Variants in MPDZ observed in about 807,000 individuals in gnomAD.
MPDZ encodes multiple PDZ domain protein.
In MPDZ, 234 loss-of-function variants were observed where a neutral mutation model predicts 239.1. The ratio of observed to expected loss-of-function variants is 0.98; its 90% confidence interval spans 0.88 to 1.09. The LOEUF (loss-of-function observed/expected upper bound fraction) is 1.09. Ranked by LOEUF, MPDZ falls within the 50% of genes least tolerant of loss-of-function variation. The pLI, the probability that MPDZ is intolerant of heterozygous loss-of-function variation, is 0.00. For missense variants in MPDZ, 3,175 were observed against 2,510.0 expected, an observed-to-expected ratio of 1.26 and a Z score of -5.66; for synonymous variants, 1,048 against 881.3, an observed-to-expected ratio of 1.19 and a Z score of -3.35.
chr9:13,176,375 T>A lies in MPDZ; in HGVS notation c.2692A>T (p.Met898Leu), dbSNP rs201585415. Reference sequence around the variant, plus strand: ...TGGGTATATAGTTCCTCCAGAGACATATGCAGATCAAGTACTGGATCACAA... The same window carrying A: ...TGGGTATATAGTTCCTCCAGAGACAAATGCAGATCAAGTACTGGATCACAA... ...NSCDPVLDLH[M>L]SLEELYTQNL... Residue 898 changes from methionine (M) to leucine (L), a missense_variant, in exon 20 of 47, where the codon ATG becomes TTG. Met to Leu is a conservative substitution (Grantham distance 15). Transcript: ENST00000319217. 5 of 1,603,544 alleles carry A rather than the reference T, an allele frequency of 3.1e-6. No individual in the cohort carries two copies. Among genetic ancestry groups the A allele is most frequent in the Non-Finnish European group, 4.3e-6 (5 of 1,174,644 alleles).
intron 23 of MPDZ, among the ~76,000 whole-genome samples, chr9:13,160,991 G>C (rs932963779): frequency 4.0e-5 from 6 of 150,608 alleles, no homozygotes; most frequent in Non-Finnish European, 8.9e-5. Context: ...TTTATATAAG[G>C]GATTGAGCAT....
intron 3 of MPDZ, among the ~76,000 whole-genome samples, chr9:13,225,902 G>T (rs1020367642): frequency 6.6e-6 from 1 of 151,926 alleles, no homozygotes; most frequent in South Asian, 2.1e-4. Context: ...TCTGCACTAC[G>T]CATCTCTTCC....
At chr9:13,175,124 T>G (rs1352484966) in intron 21 of MPDZ, among the ~76,000 whole-genome samples, 1 of 152,196 alleles carries the variant, frequency 6.6e-6, no homozygotes, top group Non-Finnish European at 1.5e-5. Flanking sequence ...CATGACTGTG[T>G]AACTCAATGA....
Position 13,188,775 on chromosome 9 carries a change from A to G in MPDZ, c.2364+9T>C. 2 of 1,607,634 alleles carry G rather than the reference A, an allele frequency of 1.2e-6. No homozygotes were observed. The highest frequency in any genetic ancestry group is 1.7e-6 in the Non-Finnish European group (2 of 1,175,624). On this transcript the variant is annotated intron_variant, in intron 17 of 46. Coordinates refer to ENST00000319217, the MANE Select transcript of MPDZ (RefSeq NM_001378778.1). ...ATATAAAGGGAAGCAATAAAGTCTG[A>G]ATTCTTACGGGTAAAGGCTTAGCAA...
At chr9:13,265,835 G>A (rs547163353) in intron 1 of MPDZ, among the ~76,000 whole-genome samples, 2 of 152,166 alleles carry the variant, frequency 1.3e-5, no homozygotes, top group Admixed American at 6.5e-5. Context: ...AAAGGATGGA[G>A]ACGATATTTC....
At chr9:13,232,390 C>T (rs1428731310) in intron 3 of MPDZ, among the ~76,000 whole-genome samples, 4 of 152,054 alleles carry the variant, frequency 2.6e-5, no homozygotes, top group East Asian at 1.9e-4. Flanking sequence ...TATATGACCC[C>T]GTGATTTACA....
At chr9:13,122,507 A>C (rs568745483) in intron 36 of MPDZ, among the ~76,000 whole-genome samples, 1 of 152,034 alleles carries the variant, frequency 6.6e-6, no homozygotes, top group Admixed American at 6.6e-5. Flanking sequence ...TCTACAAAGT[A>C]TCAATTTTTC....
At chr9:13,278,438 C>T (rs1272610394) in intron 1 of MPDZ, among the ~76,000 whole-genome samples, 1 of 152,184 alleles carries the variant, frequency 6.6e-6, no homozygotes, top group Non-Finnish European at 1.5e-5. Context: ...GCCACTTCTC[C>T]TCCCCCGCAG....
chr9:13,201,577 T>C (rs575082708), intron 12 of MPDZ, among the ~76,000 whole-genome samples: 1 of 152,124 alleles, frequency 6.6e-6, no homozygotes, highest in East Asian at 1.9e-4. Flanking sequence ...CTTGATGGTA[T>C]CCCATAATTC....
rs1231598108 is a variant in MPDZ at position 13,279,293 on chromosome 9, A to G, written c.-58+107T>C. ...CACCCCCATCCCCGCCCCCACCCCC[A>G]CCCCCAAGCGCCGAGCCCAGGGCGC... On this transcript the variant is annotated intron_variant, in intron 1 of 46. Transcript: ENST00000319217. The G allele has an allele frequency of 1.1e-3, 53 of 49,942 alleles. 3 individuals are homozygous for G. The highest frequency in any genetic ancestry group is 1.1e-3 in the East Asian group (2 of 1,760). The allele number at this position is 49,942 out of a possible 1,614,324, so 3.1% of individuals were successfully genotyped here. A position where few individuals can be genotyped will look rare whatever the true frequency, so the allele number is the denominator to read the frequency against.
At position 13,133,584 on chromosome 9, in the gene MPDZ, T is replaced by C. The variant is rs557790338; in HGVS notation, c.4464+240A>G. On this transcript the variant is annotated intron_variant, in intron 32 of 46. Coordinates refer to ENST00000319217, the MANE Select transcript of MPDZ (RefSeq NM_001378778.1). ...GACCCCTGATAAAGTATCAGCACAG[T>C]CATTTTCAAACGTAAACGTGCATCA... Among the ~76,000 whole-genome samples, 171 of 152,190 alleles carry C rather than the reference T, an allele frequency of 1.1e-3. 1 individual carries two copies. The highest frequency in any genetic ancestry group is 2.0e-3 in the Non-Finnish European group (134 of 68,040).
chr9:13,251,502 T>G (rs936549489), intron 1 of MPDZ, among the ~76,000 whole-genome samples: 2 of 152,180 alleles, frequency 1.3e-5, no homozygotes, highest in Non-Finnish European at 2.9e-5. Flanking sequence ...TCCATCTCTC[T>G]TTTGCCTCAC....
intron 43 of MPDZ, among the ~76,000 whole-genome samples, chr9:13,111,325 A>G (rs1942431964): frequency 6.6e-6 from 1 of 152,224 alleles, no homozygotes; most frequent in Non-Finnish European, 1.5e-5. Flanking sequence ...GTATACAATC[A>G]GGTTTTAAGT....
At chr9:13,210,514 G>A (rs138830319) in intron 10 of MPDZ, among the ~76,000 whole-genome samples, 1 of 151,676 alleles carries the variant, frequency 6.6e-6, no homozygotes, top group Non-Finnish European at 1.5e-5. Flanking sequence ...ACCTGCAGAA[G>A]AGGCAATGCA....
intron 3 of MPDZ, among the ~76,000 whole-genome samples, chr9:13,240,671 G>C (rs1484401402): frequency 6.6e-6 from 1 of 150,896 alleles, no homozygotes; most frequent in African/African-American, 2.4e-5. Flanking sequence ...TAATTGTGTG[G>C]GTCAGATTAT....
At chr9:13,218,858 G>C (rs1378040547) in intron 8 of MPDZ, among the ~76,000 whole-genome samples, 1 of 151,832 alleles carries the variant, frequency 6.6e-6, no homozygotes, top group Non-Finnish European at 1.5e-5. Flanking sequence ...CTGTAAATCT[G>C]CTGAGATACC....
intron 1 of MPDZ, among the ~76,000 whole-genome samples, chr9:13,272,115 A>G (rs944218691): frequency 5.9e-5 from 9 of 152,186 alleles, no homozygotes; most frequent in Non-Finnish European, 1.0e-4. Flanking sequence ...TACACTCTCA[A>G]TATGTGTAGT....
At chr9:13,253,720 A>G (rs905357009) in intron 1 of MPDZ, among the ~76,000 whole-genome samples, 1 of 152,216 alleles carries the variant, frequency 6.6e-6, no homozygotes, top group East Asian at 1.9e-4. Context: ...TTTCTGGGCA[A>G]TTCATGCTAA....
intron 12 of MPDZ, among the ~76,000 whole-genome samples, chr9:13,200,798 T>C (rs1956290836): frequency 6.6e-6 from 1 of 152,064 alleles, no homozygotes; most frequent in South Asian, 2.1e-4. Context: ...TTTGATATTT[T>C]AAGATTTATA....
Sources: gnomAD v4.1 joint callset for allele counts (sites outside exome capture counted in the v4.1 genomes callset) on GRCh38, gnomAD v4.1.1 for gene constraint, MANE v1.5 for transcripts, NCBI Gene and HGNC (gene_info 2026-07-23, HGNC 2026-07-21) for gene names.